The following SCGN variants were observed in gnomAD, a reference collection of about 807,000 sequenced individuals.
SCGN encodes the protein secretagogin, EF-hand calcium binding protein.
Under a neutral mutation model 39.7 loss-of-function variants are expected in SCGN, and 30 were observed. The observed-to-expected ratio is 0.76, with a 90% CI of 0.57 to 1.03. The LOEUF (loss-of-function observed/expected upper bound fraction) is 1.03. SCGN is among the 50% of genes least tolerant of loss of function. The pLI is 0.00. For missense variants in SCGN, 353 were observed against 349.4 expected (o/e 1.01, Z -0.08); for synonymous variants, 106 against 114.1 (o/e 0.93, Z 0.45).
Position 25,670,088 on chromosome 6 carries a change from G to C in SCGN, c.471+12G>C. The C allele has an allele frequency of 6.3e-7, 1 of 1,589,484 alleles. No individual in the cohort carries two copies. The highest frequency in any genetic ancestry group is 8.6e-7 in the Non-Finnish European group (1 of 1,157,594). ...ACACTGGCACCATGGTAAGTAATGAGTAATGTAATCTCCATGAGGGCAGCT... is the reference window on the plus strand; with the variant it reads ...ACACTGGCACCATGGTAAGTAATGACTAATGTAATCTCCATGAGGGCAGCT... On this transcript the variant is annotated intron_variant, in intron 6 of 10. Transcript: ENST00000377961.
At chr6:25,673,161 G>A (rs1759522426) in intron 6 of SCGN, among the ~76,000 whole-genome samples, 1 of 152,228 alleles carries the variant, frequency 6.6e-6, no homozygotes, top group African/African-American at 2.4e-5. Flanking sequence ...TCCCCTGTCA[G>A]TGTTTCTTAT....
chr6:25,695,917 G>A (rs1306051349), intron 10 of SCGN, among the ~76,000 whole-genome samples: 1 of 152,142 alleles, frequency 6.6e-6, no homozygotes, highest in African/African-American at 2.4e-5. Context: ...AAAGTAGAAT[G>A]GCAAGAAATT....
chr6:25,652,302 G>A lies in SCGN; in HGVS notation c.-102G>A. ...ACAGTTACTCAAAGCTAATCAGATA[G>A]CGAAAGAAGCAGGAGAGCAAGTCAA... On this transcript the variant is annotated 5_prime_UTR_variant, in exon 1 of 11. Coordinates refer to ENST00000377961, the MANE Select transcript of SCGN (RefSeq NM_006998.4). 1.1e-6 allele frequency: 1 copy of A among 908,142 alleles called. No homozygotes were observed. Among genetic ancestry groups the A allele is most frequent in the East Asian group, 2.4e-5 (1 of 41,040 alleles). The allele number at this position is 908,142 out of a possible 1,614,324, so 56.3% of individuals were successfully genotyped here. A position where few individuals can be genotyped will look rare whatever the true frequency, so the allele number is the denominator to read the frequency against.
chr6:25,661,467 C>A, intron 2 of SCGN, 85 bp from the exon 3 acceptor site: 1 of 904,470 alleles, frequency 1.1e-6, no homozygotes, highest in East Asian at 2.5e-5. Flanking sequence ...ATAATTTTCA[C>A]GCTGTATATT....
At chr6:25,698,874 T>C (rs1452205419) in intron 10 of SCGN, among the ~76,000 whole-genome samples, 6 of 152,188 alleles carry the variant, frequency 3.9e-5, no homozygotes, top group Non-Finnish European at 5.9e-5. Flanking sequence ...GGCTCCCAAT[T>C]TCTGTTGCTC....
At chr6:25,667,504 A>T (rs764797170) in intron 4 of SCGN, among the ~76,000 whole-genome samples, 1 of 152,194 alleles carries the variant, frequency 6.6e-6, no homozygotes, top group South Asian at 2.1e-4. Flanking sequence ...CTTACCCACC[A>T]GCTCATGTGC....
At chr6:25,656,337 G>A (rs934142817) in intron 2 of SCGN, among the ~76,000 whole-genome samples, 6 of 152,142 alleles carry the variant, frequency 3.9e-5, no homozygotes, top group East Asian at 1.9e-4. Flanking sequence ...GATGATTAGC[G>A]GATCACAGAG....
At chr6:25,672,021 T>C (rs1406685256) in intron 6 of SCGN, among the ~76,000 whole-genome samples, 2 of 152,356 alleles carry the variant, frequency 1.3e-5, no homozygotes, top group Non-Finnish European at 2.9e-5. Context: ...ACTAAGGTTT[T>C]ACTTCTTAAT....
At chr6:25,665,837 T>G (rs1305077799) in intron 4 of SCGN, among the ~76,000 whole-genome samples, 1 of 78,762 alleles carries the variant, frequency 1.3e-5, no homozygotes, top group African/African-American at 5.2e-5. Flanking sequence ...AAGAAAATGA[T>G]TTTTTTTTAA....
intron 6 of SCGN, among the ~76,000 whole-genome samples, chr6:25,677,971 T>C (rs1759587272): frequency 6.6e-6 from 1 of 152,222 alleles, no homozygotes; most frequent in African/African-American, 2.4e-5. Context: ...ACAATCACTA[T>C]TGCACCTACA....
chr6:25,682,302 G>T (rs1442028211), intron 7 of SCGN, among the ~76,000 whole-genome samples: 1 of 152,162 alleles, frequency 6.6e-6, no homozygotes, highest in Non-Finnish European at 1.5e-5. Context: ...CCCACATTGT[G>T]ACTTCATGAC....
At chr6:25,672,665 C>T (rs1203201508) in intron 6 of SCGN, among the ~76,000 whole-genome samples, 2 of 152,204 alleles carry the variant, frequency 1.3e-5, no homozygotes, top group Non-Finnish European at 1.5e-5. Context: ...TTTAGGCCAT[C>T]GTGAGGACTT....
At position 25,701,323 on chromosome 6, in the gene SCGN, A is replaced by G; in HGVS notation, c.819A>G (p.Lys273=). The G allele has an allele frequency of 6.2e-7, 1 of 1,612,154 alleles. No individual in the cohort carries two copies. The highest frequency in any genetic ancestry group is 1.1e-5 in the South Asian group (1 of 90,556). ...AGCTGGCTTTGTGTCTTGGGCTGAAAATCAACCCATAATCCCAGACTGCTT... is the reference window on the plus strand; with the variant it reads ...AGCTGGCTTTGTGTCTTGGGCTGAAGATCAACCCATAATCCCAGACTGCTT... The part of the protein sequence containing the change: ...KSELALCLGL[K]INP Residue 273 remains lysine, a synonymous_variant, in exon 11 of 11, where the codon AAA becomes AAG. Coordinates refer to ENST00000377961, the MANE Select transcript of SCGN (RefSeq NM_006998.4).
At chr6:25,662,271 T>C (rs1760350772) in intron 3 of SCGN, among the ~76,000 whole-genome samples, 1 of 152,234 alleles carries the variant, frequency 6.6e-6, no homozygotes, top group African/African-American at 2.4e-5. Context: ...ATTTTGTTAT[T>C]GTATTCCCAT....
chr6:25,665,761 G>A (rs1168666721), intron 4 of SCGN, among the ~76,000 whole-genome samples: 1 of 152,194 alleles, frequency 6.6e-6, no homozygotes, highest in Non-Finnish European at 1.5e-5. Flanking sequence ...GTTTTGCATA[G>A]GCAATTCACA....
chr6:25,657,092 AC>A (rs1242693204), intron 2 of SCGN, among the ~76,000 whole-genome samples: 2 of 152,216 alleles, frequency 1.3e-5, no homozygotes, highest in Non-Finnish European at 2.9e-5. Context: ...ATGTAAGCAC[AC>A]ACAAAATCTT....
intron 1 of SCGN, 117 bp downstream of exon 1, chr6:25,652,602 A>G: frequency 1.2e-6 from 1 of 848,768 alleles, no homozygotes; most frequent in Non-Finnish European, 1.9e-6. Context: ...TGGGTTGTTA[A>G]TGCAGTGTAC....
At position 25,701,285 on chromosome 6, in the gene SCGN, A is replaced by T; in HGVS notation, c.781A>T (p.Ile261Phe). The T allele has an allele frequency of 6.2e-7, 1 of 1,613,658 alleles. No individual in the cohort carries two copies. Among genetic ancestry groups the T allele is most frequent in the Non-Finnish European group, 8.5e-7 (1 of 1,179,828 alleles). ...CTGCGACGTGAACAAGGATGGAAAA[A>T]TTCAGAAGTCTGAGCTGGCTTTGTG... The part of the protein sequence containing the change: ...RHCDVNKDGK[I>F]QKSELALCLG... Residue 261 changes from isoleucine to phenylalanine, a missense_variant, in exon 11 of 11, where the codon ATT (isoleucine) becomes TTT (phenylalanine). Coordinates refer to ENST00000377961, the MANE Select transcript of SCGN (RefSeq NM_006998.4).
rs764423670 is a variant in SCGN, at chr6:25,665,040, C to T, written c.336+8C>T. 1.2e-5 allele frequency: 20 copies of T among 1,606,920 alleles called. No homozygotes were observed. The African/African-American group carries it at 2.7e-4, about 21-fold the overall frequency. On this transcript the variant is annotated splice_region_variant and intron_variant, in intron 4 of 10. Coordinates refer to ENST00000377961, the MANE Select transcript of SCGN (RefSeq NM_006998.4). ...AGCGTGGAGTTTATGCAGGTGAGTG[C>T]TTGGTTGTGTCTCTGTGAAGAAAGA...
Sources: gnomAD v4.1 joint callset for allele counts (sites outside exome capture counted in the v4.1 genomes callset) on GRCh38, gnomAD v4.1.1 for gene constraint, MANE v1.5 for transcripts, NCBI Gene and HGNC (gene_info 2026-07-23, HGNC 2026-07-21) for gene names.